MORC2: variants seen among roughly 807,000 people sequenced by gnomAD.
MORC2 encodes the protein MORC family CW-type zinc finger 2.
MORC2 carries 30 observed loss-of-function variants against 136.0 expected under a neutral mutation model. That is an observed-to-expected ratio of 0.22 (90% CI 0.17 to 0.30). The LOEUF is 0.30. Ranked by LOEUF, MORC2 falls within the 10% of genes least tolerant of loss-of-function variation. The probability of loss-of-function intolerance (pLI) is 1.00; values close to 1 mark genes in which losing one functional copy is unlikely to be tolerated. For synonymous variants in MORC2, 439 were observed against 487.0 expected, an observed-to-expected ratio of 0.90 and a Z score of 1.30; for missense variants, 922 against 1,333.1, an observed-to-expected ratio of 0.69 and a Z score of 4.80.
chr22:30,947,819 T>C (rs576524071), intron 5 of MORC2, among the ~76,000 whole-genome samples: 1 of 152,234 alleles, frequency 6.6e-6, no homozygotes, highest in Non-Finnish European at 1.5e-5. Flanking sequence ...TCTATCTTCC[T>C]TCTGTCTTTG....
At chr22:30,943,066 G>C (rs1295048812) in intron 6 of MORC2, among the ~76,000 whole-genome samples, 1 of 151,972 alleles carries the variant, frequency 6.6e-6, no homozygotes, top group African/African-American at 2.4e-5. Context: ...AAATTAAACT[G>C]TACAATGGAA....
chr22:30,928,162 T>C lies in MORC2; in HGVS notation c.2887A>G (p.Asn963Asp). 6.2e-7 allele frequency: 1 copy of C among 1,614,156 alleles called. No homozygotes were observed. ...QYEVGLQNLCNSYQSRADSRA... is the reference protein window; with the variant it reads ...QYEVGLQNLCDSYQSRADSRA... ...GAGTCAGCACGGCTCTGGTAGGAAT[T>C]GCACAGGTTTTGGAGCCCTACTTCA... Residue 963 changes from asparagine (N) to aspartate (D), a missense_variant, in exon 25 of 26, where the codon AAT becomes GAT. By Grantham distance (23) the Asn-to-Asp change is conservative (BLOSUM62 1). Coordinates refer to ENST00000397641, the MANE Select transcript of MORC2 (RefSeq NM_001303256.3).
chr22:30,927,370 C>G (rs531227228), intron 25 of MORC2, among the ~76,000 whole-genome samples: 3 of 152,306 alleles, frequency 2.0e-5, no homozygotes, highest in Admixed American at 2.0e-4. Flanking sequence ...AGCCCTGCCT[C>G]TGCCCCTACC....
chr22:30,954,803 G>A (rs978151080), intron 3 of MORC2, among the ~76,000 whole-genome samples: 1 of 152,164 alleles, frequency 6.6e-6, no homozygotes, highest in Non-Finnish European at 1.5e-5. Flanking sequence ...ACATCACTTG[G>A]AGAAGAGGCC....
At chr22:30,927,132 A>T (rs1479791877) in intron 25 of MORC2, among the ~76,000 whole-genome samples, 1 of 151,808 alleles carries the variant, frequency 6.6e-6, no homozygotes, top group African/African-American at 2.4e-5. Flanking sequence ...TTTCCCTCAG[A>T]TACTACAAAT....
At chr22:30,944,823 A>G (rs941107055) in intron 6 of MORC2, among the ~76,000 whole-genome samples, 8 of 152,034 alleles carry the variant, frequency 5.3e-5, no homozygotes, top group Non-Finnish European at 1.0e-4. Context: ...TATTTCTCTC[A>G]CCTCCCTTGG....
Position 30,941,035 on chromosome 22 carries a change from T to C in MORC2, c.825-198A>G, listed in dbSNP as rs2040735421. ...CTTGCCCTTAGCCTCCTGCTGTCTTTGATAAGCAACCTCACCATTCACCAG... is the reference window on the plus strand; with the variant it reads ...CTTGCCCTTAGCCTCCTGCTGTCTTCGATAAGCAACCTCACCATTCACCAG... On this transcript the variant is annotated intron_variant, in intron 9 of 25. Coordinates refer to ENST00000397641, the MANE Select transcript of MORC2 (RefSeq NM_001303256.3). The surrounding 1 kb of genome is among the most constrained non-coding windows in gnomAD (Gnocchi z 4.6). Among the ~76,000 whole-genome samples, 1 of 152,160 alleles carries C rather than the reference T, an allele frequency of 6.6e-6. No individual in the cohort carries two copies. Among genetic ancestry groups the C allele is most frequent in the South Asian group, 2.1e-4 (1 of 4,828 alleles).
intron 16 of MORC2, 62 bp from the exon 17 acceptor site, chr22:30,936,705 T>A: frequency 6.3e-7 from 1 of 1,587,208 alleles, no homozygotes; most frequent in Non-Finnish European, 8.6e-7. Flanking sequence ...GCAAGGACCT[T>A]TCTCTTCAGC....
At chr22:30,964,998 G>A (rs910153515) in intron 1 of MORC2, among the ~76,000 whole-genome samples, 2 of 152,088 alleles carry the variant, frequency 1.3e-5, no homozygotes, top group African/African-American at 2.4e-5. Flanking sequence ...TATAATCCTC[G>A]TAAAAACTGT....
At position 30,968,532 on chromosome 22, in the gene MORC2, G is replaced by T. The variant is rs535472261; in HGVS notation, c.-643C>A. On this transcript the variant is annotated 5_prime_UTR_variant, in exon 1 of 26. Coordinates refer to ENST00000397641, the MANE Select transcript of MORC2 (RefSeq NM_001303256.3). ...GGACCAAACCCAGTTCAGGGTGGTG[G>T]TCAGATTACCTCACACTTGGCCCAC... Among the ~76,000 whole-genome samples, 1 of 152,232 alleles carries T rather than the reference G, an allele frequency of 6.6e-6. No individual in the cohort carries two copies. Among genetic ancestry groups the T allele is most frequent in the East Asian group, 1.9e-4 (1 of 5,172 alleles).
chr22:30,942,226 C>T lies in MORC2; in HGVS notation c.472G>A (p.Val158Ile), dbSNP rs2040752400. The T allele has an allele frequency of 6.2e-7, 1 of 1,613,960 alleles. No homozygotes were observed. The highest frequency in any genetic ancestry group is 8.5e-7 in the Non-Finnish European group (1 of 1,180,044). The change falls in exon 7 of 26, where the codon GTC becomes ATC. Residue 158 changes from valine (V) to isoleucine (I), a missense_variant. Physicochemically the swap from Val to Ile is conservative, Grantham distance 29 (BLOSUM62 3). Around this residue, in one of 9 missense-constraint regions of MORC2, gnomAD observed 261 missense variants for 354.3 expected, o/e 0.74. Coordinates refer to ENST00000397641, the MANE Select transcript of MORC2 (RefSeq NM_001303256.3). ...GCAAATTTCTCTACATTGTCTGTGA[C>T]AGGTTCCCGGGTCCGAGCATTCCAG... ...PTWNARTREP[V>I]TDNVEKFAIE...
At chr22:30,963,775 T>C (rs977707051) in intron 1 of MORC2, among the ~76,000 whole-genome samples, 1 of 152,140 alleles carries the variant, frequency 6.6e-6, no homozygotes, top group African/African-American at 2.4e-5. Context: ...AATTAGCTTG[T>C]TATGTAAGGA....
Position 30,950,457 on chromosome 22 carries a change from G to A in MORC2, c.158-12C>T. ...GTCCTCTCGTCTTTCTGTAAAAGAA[G>A]CAGCTGCCATTACTGGGCCGTTACC... is the stretch of plus-strand genomic sequence containing the variant. On this transcript the variant is annotated splice_polypyrimidine_tract_variant and intron_variant, in intron 3 of 25. Transcript: ENST00000397641. 6.2e-7 allele frequency: 1 copy of A among 1,604,512 alleles called. No individual in the cohort carries two copies. Among genetic ancestry groups the A allele is most frequent in the Non-Finnish European group, 8.5e-7 (1 of 1,178,642 alleles).
intron 24 of MORC2, among the ~76,000 whole-genome samples, chr22:30,930,923 A>AT (rs1444781176): frequency 1.3e-5 from 2 of 151,638 alleles, no homozygotes. Flanking sequence ...ATAAACCTCC[A>AT]CTCGTCACCT....
intron 3 of MORC2, among the ~76,000 whole-genome samples, chr22:30,956,360 C>T (rs577934217): frequency 5.9e-5 from 9 of 152,228 alleles, no homozygotes; most frequent in Non-Finnish European, 1.0e-4. Context: ...CAAGTTGAGA[C>T]TAGTGCTCAC....
At chr22:30,933,572 A>C (rs775535996) in intron 20 of MORC2, 52 bp from the exon 21 acceptor site, 9 of 1,592,884 alleles carry the variant, frequency 5.7e-6, no homozygotes, top group Non-Finnish European at 7.7e-6. Flanking sequence ...CCAAGAGCAG[A>C]CTTGTGCCTT....
intron 1 of MORC2, chr22:30,966,984 T>C (rs780825929): frequency 5.1e-6 from 3 of 584,114 alleles, no homozygotes; most frequent in Non-Finnish European, 6.5e-6. Flanking sequence ...TACTCTCGAC[T>C]CTGAAGTGGG....
Position 30,968,075 on chromosome 22 carries a change from G to GTT in MORC2, c.-188_-187dup, listed in dbSNP as rs145653923. The GTT allele has an allele frequency of 1.1e-4, 60 of 532,010 alleles. No homozygotes were observed. The highest frequency in any genetic ancestry group is 1.6e-4 in the Non-Finnish European group (47 of 298,668). The allele number at this position is 532,010 out of a possible 1,614,324, so 33.0% of individuals were successfully genotyped here. A position where few individuals can be genotyped will look rare whatever the true frequency, so the allele number is the denominator to read the frequency against. On this transcript the variant is annotated 5_prime_UTR_variant, in exon 1 of 26. Transcript: ENST00000397641. ...GTTTAAAACTACAATTTCTTCAAGT[G>GTT]TTTTTTTTTAATCTTCTCAATGATT...
intron 6 of MORC2, among the ~76,000 whole-genome samples, chr22:30,945,935 A>G (rs1256565839): frequency 1.3e-5 from 2 of 152,202 alleles, no homozygotes; most frequent in Non-Finnish European, 2.9e-5. Flanking sequence ...CTCATAGCAC[A>G]TTCCACAAAA....
Sources: allele counts gnomAD v4.1 joint callset (sites outside exome capture counted in the v4.1 genomes callset), GRCh38; gene constraint gnomAD v4.1.1; regional missense constraint gnomAD v4.1.1; non-coding constraint Gnocchi (gnomAD v3.1); transcripts MANE v1.5; gene names NCBI Gene and HGNC (gene_info 2026-07-23, HGNC 2026-07-21).